Variants in RPUSD4 observed in about 807,000 individuals in gnomAD.
RPUSD4 encodes the protein pseudouridylate synthase RPUSD4, mitochondrial.
RPUSD4 carries 37 observed loss-of-function variants against 35.4 expected under a neutral mutation model. The observed-to-expected ratio is 1.04, with a 90% CI of 0.80 to 1.37. The LOEUF (loss-of-function observed/expected upper bound fraction) is 1.37, where lower values mean the gene tolerates loss of function less well. Among genes scored for constraint, RPUSD4 ranks in the 40% most tolerant of loss-of-function variants. RPUSD4 has a pLI of 0.00. For synonymous variants in RPUSD4, 210 were observed against 192.7 expected (o/e 1.09, Z -0.74); for missense variants, 507 against 484.9 (o/e 1.05, Z -0.43).
At chr11:126,205,814 C>T (rs1205181729) in intron 3 of RPUSD4, 33 bp from the exon 4 acceptor site, 1 of 1,521,688 alleles carries the variant, frequency 6.6e-7, no homozygotes, top group Non-Finnish European at 8.9e-7. Context: ...CTTTAGCCAA[C>T]CAAGCCAGAG....
rs1160209136 is a variant in RPUSD4, at chr11:126,203,425, GCTC to G, written c.1124_1126del (p.Gly375del). ...AGGGTGCTCCCATGGTCTTCACTGT[GCTC>G]CCAGACACTTGGCTTCATTGTTCTC... On this transcript the variant is annotated inframe_deletion, in exon 7 of 7. Transcript: ENST00000298317. 6.2e-7 allele frequency: 1 copy of G among 1,612,776 alleles called. No individual in the cohort carries two copies. The highest frequency in any genetic ancestry group is 1.7e-5 in the Admixed American group (1 of 60,012).
rs542910879 is a variant in RPUSD4 at position 126,210,320 on chromosome 11, G to A, written c.355+570C>T. Among the ~76,000 whole-genome samples, 5 of 152,188 alleles carry A rather than the reference G, an allele frequency of 3.3e-5. No homozygotes were observed. The South Asian group carries it at 6.2e-4, about 19-fold the overall frequency. On this transcript the variant is annotated intron_variant, in intron 2 of 6. Coordinates refer to ENST00000298317, the MANE Select transcript of RPUSD4 (RefSeq NM_032795.3). The stretch of plus-strand genomic sequence containing the variant: ...CTTGTCTTTGTGAACAACTATCTCC[G>A]TATCTCCCCAAAAAGCATTACCTTC...
At chr11:126,208,954 A>G (rs1949807938) in intron 3 of RPUSD4, 2 of 152,220 alleles carry the variant, frequency 1.3e-5, no homozygotes, top group African/African-American at 2.4e-5. Context: ...GACTATTTTT[A>G]GCATGGGAAT....
At chr11:126,210,815 A>C (rs1256010643) in intron 2 of RPUSD4, 75 bp downstream of exon 2, 1 of 1,450,160 alleles carries the variant, frequency 6.9e-7, no homozygotes, top group Non-Finnish European at 9.4e-7. Flanking sequence ...GTGCACCACA[A>C]GTAACGTCTC....
At position 126,211,335 on chromosome 11, in the gene RPUSD4, T is replaced by G. The variant is rs555805604; in HGVS notation, c.189+115A>C. The G allele has an allele frequency of 1.4e-3, 1,669 of 1,203,046 alleles. 2 individuals are homozygous for G. The highest frequency in any genetic ancestry group is 1.5e-3 in the Non-Finnish European group (1,324 of 857,682). 74.5% of individuals were successfully genotyped at this position (1,203,046 alleles called of 1,614,324 possible). Reference sequence around the variant, plus strand: ...CCGCCTTCTCCCCATTCTCCCACCTTGCGTCCGGGCTATTGACTCACACGC... The same window carrying G: ...CCGCCTTCTCCCCATTCTCCCACCTGGCGTCCGGGCTATTGACTCACACGC... On this transcript the variant is annotated intron_variant, in intron 1 of 6. Transcript: ENST00000298317.
intron 3 of RPUSD4, chr11:126,206,516 C>T (rs1949776469): frequency 6.6e-6 from 1 of 152,286 alleles, no homozygotes. Context: ...AAGATTATGC[C>T]ACTGCACTCC....
chr11:126,205,624 G>C lies in RPUSD4; in HGVS notation c.652-12C>G. The C allele has an allele frequency of 1.2e-6, 2 of 1,614,138 alleles. No individual in the cohort carries two copies. Among genetic ancestry groups the C allele is most frequent in the Non-Finnish European group, 1.7e-6 (2 of 1,179,924 alleles). On this transcript the variant is annotated splice_polypyrimidine_tract_variant and intron_variant, in intron 4 of 6. Transcript: ENST00000298317. ...GGGGACAATGTCATCTGAAGCCAAA[G>C]AAATCAAGATATGATTCCCAAGGAA...
chr11:126,208,177 A>T (rs1949794098), intron 3 of RPUSD4, among the ~76,000 whole-genome samples: 1 of 152,196 alleles, frequency 6.6e-6, no homozygotes, highest in Admixed American at 6.5e-5. Context: ...TAAATATACA[A>T]ACCATTCAGC....
rs148371197 is a variant in RPUSD4 at position 126,203,365 on chromosome 11, A to G, written c.*53T>C. 6.3e-7 allele frequency: 1 copy of G among 1,586,154 alleles called. No homozygotes were observed. On this transcript the variant is annotated 3_prime_UTR_variant, in exon 7 of 7. Coordinates refer to ENST00000298317, the MANE Select transcript of RPUSD4 (RefSeq NM_032795.3). The stretch of plus-strand genomic sequence containing the variant: ...CCAACCTGCGCTCCCAGGTGCCAGG[A>G]TGCTCTCAGGGTCTTCACTGTGCTC...
chr11:126,203,668 A>G lies in RPUSD4; in HGVS notation c.895-11T>C, dbSNP rs1263876226. The G allele has an allele frequency of 6.2e-7, 1 of 1,608,064 alleles. No homozygotes were observed. ...GCCCACAGACAGCTTCTATACAAAG[A>G]AAGGACAGACCCTTGAGAGCAAGGC... On this transcript the variant is annotated splice_polypyrimidine_tract_variant and intron_variant, in intron 6 of 6. Transcript: ENST00000298317.
chr11:126,206,020 AG>A (rs1949770933), intron 3 of RPUSD4: 1 of 389,178 alleles, frequency 2.6e-6, no homozygotes, highest in Admixed American at 4.1e-5. Context: ...GGGTAAAAAA[AG>A]AAAAAAATTA....
rs587891 is a variant in RPUSD4, at chr11:126,211,441, T to G, written c.189+9A>C. 1 of 1,608,442 alleles carries G rather than the reference T, an allele frequency of 6.2e-7. No individual in the cohort carries two copies. The highest frequency in any genetic ancestry group is 8.5e-7 in the Non-Finnish European group (1 of 1,176,996). ...TGCCTCTAGGGAGTTCTGGTCCCTTTGGACTCACCGGCTCCTTCTTTGTGT... is the reference window on the plus strand; with the variant it reads ...TGCCTCTAGGGAGTTCTGGTCCCTTGGGACTCACCGGCTCCTTCTTTGTGT... On this transcript the variant is annotated intron_variant, in intron 1 of 6. Coordinates refer to ENST00000298317, the MANE Select transcript of RPUSD4 (RefSeq NM_032795.3).
intron 3 of RPUSD4, among the ~76,000 whole-genome samples, chr11:126,208,385 A>C (rs938957474): frequency 6.6e-6 from 1 of 152,198 alleles, no homozygotes; most frequent in Non-Finnish European, 1.5e-5. Context: ...GTAGGGTACA[A>C]AACTCTGTGT....
At chr11:126,205,375 C>T (rs879164939) in intron 5 of RPUSD4, 93 bp downstream of exon 5, 2 of 1,490,070 alleles carry the variant, frequency 1.3e-6, no homozygotes, top group South Asian at 2.5e-5. Flanking sequence ...TCACACAAGT[C>T]AGCCACACTA....
In RPUSD4 at chr11:126,211,528, G is replaced by T. The variant is rs1345522603; in HGVS notation, c.111C>A (p.Ala37=). The change falls in exon 1 of 7, where the codon GCC becomes GCA. Residue 37 remains alanine, a synonymous_variant. Coordinates refer to ENST00000298317, the MANE Select transcript of RPUSD4 (RefSeq NM_032795.3). ...ATCTCTGGGCATTTATGGCCGTAGAGGCAGCGGCAGCGGCACAAAATGGCT... is the reference window on the plus strand; with the variant it reads ...ATCTCTGGGCATTTATGGCCGTAGATGCAGCGGCAGCGGCACAAAATGGCT... The part of the protein sequence containing the change: ...VSKPFCAAAA[A]STAINAQRLA... 1.9e-6 allele frequency: 3 copies of T among 1,613,956 alleles called. No homozygotes were observed. Among genetic ancestry groups the T allele is most frequent in the Non-Finnish European group, 2.5e-6 (3 of 1,179,794 alleles).
Position 126,211,629 on chromosome 11 carries a change from G to A in RPUSD4, c.10C>T (p.Pro4Ser), listed in dbSNP as rs79442185. 494 of 1,612,796 alleles carry A rather than the reference G, an allele frequency of 3.1e-4. 1 individual carries two copies. In the African/African-American group the frequency reaches 5.9e-3, roughly 19 times the overall value. Residue 4 changes from proline to serine, a missense_variant, in exon 1 of 7, where the codon CCC (proline) becomes TCC (serine). Physicochemically the swap from Pro to Ser is moderately conservative, Grantham distance 74. Coordinates refer to ENST00000298317, the MANE Select transcript of RPUSD4 (RefSeq NM_032795.3). ...CAGGGGCCCGACGCGCTCCACCTGG[G>A]CGCCGCCATCTTACAAGGAAGGGCG... MAA[P>S]RWSASGPWIR...
Position 126,211,389 on chromosome 11 carries a change from C to T in RPUSD4, c.189+61G>A, listed in dbSNP as rs1949864934. The T allele has an allele frequency of 2.6e-6, 4 of 1,519,424 alleles. No homozygotes were observed. In the South Asian group the frequency reaches 3.9e-5, roughly 15 times the overall value. 94.1% of individuals were successfully genotyped at this position (1,519,424 alleles called of 1,614,324 possible). Reference sequence around the variant, plus strand: ...CACTCAGAGGACCCTCCTACCTACTCCCCGTCTGGGAAACCAATGAGCGCA... The same window carrying T: ...CACTCAGAGGACCCTCCTACCTACTTCCCGTCTGGGAAACCAATGAGCGCA... On this transcript the variant is annotated intron_variant, in intron 1 of 6. Coordinates refer to ENST00000298317, the MANE Select transcript of RPUSD4 (RefSeq NM_032795.3).
In RPUSD4 at chr11:126,205,588, T is replaced by C. The variant is rs750461444; in HGVS notation, c.676A>G (p.Met226Val). 2 of 1,614,034 alleles carry C rather than the reference T, an allele frequency of 1.2e-6. No individual in the cohort carries two copies. Among genetic ancestry groups the C allele is most frequent in the African/African-American group, 2.7e-5 (2 of 74,956 alleles). ...ACTTTCACCATTTTCCCATCGTCCA[T>C]GCGGTAGCTCGGGGACAATGTCATC... The part of the protein sequence containing the change: ...HKMTLSPSYR[M>V]DDGKMVKVRR... The change falls in exon 5 of 7, where the codon ATG becomes GTG. Residue 226 changes from methionine (M) to valine (V), a missense_variant. Met to Val is a conservative substitution (Grantham distance 21). Transcript: ENST00000298317.
chr11:126,211,195 G>C, intron 1 of RPUSD4, 140 bp from the exon 2 acceptor site: 1 of 1,061,700 alleles, frequency 9.4e-7, no homozygotes, highest in Non-Finnish European at 1.4e-6. Context: ...TAATTTGAGA[G>C]CAGAGATACC....
Sources: gnomAD v4.1 joint callset for allele counts (sites outside exome capture counted in the v4.1 genomes callset) on GRCh38, gnomAD v4.1.1 for gene constraint, MANE v1.5 for transcripts, NCBI Gene and HGNC (gene_info 2026-07-23, HGNC 2026-07-21) for gene names.